Variants in ITGA3 observed in about 807,000 individuals in gnomAD.
ITGA3 encodes integrin subunit alpha 3, also known as integrin alpha-3.
ITGA3 carries 70 observed loss-of-function variants against 131.1 expected under a neutral mutation model. The ratio of observed to expected loss-of-function variants is 0.53; its 90% CI spans 0.44 to 0.65. The LOEUF (loss-of-function observed/expected upper bound fraction) is 0.65, where lower values mean the gene tolerates loss of function less well. Ranked by LOEUF, ITGA3 falls within the 30% of genes least tolerant of loss-of-function variation. The pLI, the probability that ITGA3 is intolerant of heterozygous loss-of-function variation, is 0.00. For synonymous variants in ITGA3, 537 were observed against 571.6 expected (o/e 0.94, Z 0.86); for missense variants, 1,098 against 1,388.6 (o/e 0.79, Z 3.33).
At chr17:50,084,077 T>C (rs1432447845) in intron 23 of ITGA3, among the ~76,000 whole-genome samples, 2 of 150,522 alleles carry the variant, frequency 1.3e-5, no homozygotes, top group Non-Finnish European at 3.0e-5. Flanking sequence ...GTATTAAAAA[T>C]ACAAAAATTA....
At chr17:50,066,032 C>CA (rs1183511362) in intron 3 of ITGA3, 4,057 of 38,094 alleles carry the variant, frequency 0.11, 321 homozygotes, top group East Asian at 0.37. Context: ...GACTCCATCT[C>CA]AAAAAAAAAA....
chr17:50,058,707 G>A (rs949677252), intron 1 of ITGA3, among the ~76,000 whole-genome samples: 2 of 152,170 alleles, frequency 1.3e-5, no homozygotes, highest in African/African-American at 4.8e-5. Context: ...CACTAAATTC[G>A]ACCCCTCGGC....
chr17:50,088,278 G>C lies in ITGA3; in HGVS notation c.3099G>C (p.Gln1033His). ...RTRALYEAKR[Q>H]KAEMKSQPSE... ...GCGCCCTGTATGAAGCTAAGAGGCA[G>C]AAGGCGGAGATGAAGAGCCAGCCGT... Residue 1033 changes from glutamine (Q) to histidine (H), a missense_variant, in exon 25 of 26, where the codon CAG becomes CAC. Physicochemically the swap from Gln to His is conservative, Grantham distance 24. Coordinates refer to ENST00000320031, the MANE Select transcript of ITGA3 (RefSeq NM_002204.4). The C allele has an allele frequency of 6.3e-7, 1 of 1,590,420 alleles. No homozygotes were observed. The highest frequency in any genetic ancestry group is 1.1e-5 in the South Asian group (1 of 87,580).
chr17:50,065,163 A>G (rs1333291043), intron 3 of ITGA3: 1 of 152,244 alleles, frequency 6.6e-6, no homozygotes, highest in Non-Finnish European at 1.5e-5. Flanking sequence ...TTGTTGTTAT[A>G]TTCCAAAAAG....
chr17:50,075,299 G>A (rs975110879), intron 10 of ITGA3, among the ~76,000 whole-genome samples, 160 bp from the exon 11 acceptor site: 3 of 152,158 alleles, frequency 2.0e-5, no homozygotes, highest in Non-Finnish European at 4.4e-5. Flanking sequence ...GAAGGGAAGG[G>A]GTCAGGGACA....
chr17:50,077,978 C>A, intron 16 of ITGA3, 68 bp from the exon 17 acceptor site: 1 of 1,329,478 alleles, frequency 7.5e-7, no homozygotes, highest in Non-Finnish European at 1.1e-6. Flanking sequence ...TGCATCCCCT[C>A]CTTCCCCATG....
At chr17:50,065,283 T>G (rs986759578) in intron 3 of ITGA3, 2 of 152,260 alleles carry the variant, frequency 1.3e-5, no homozygotes, top group African/African-American at 4.8e-5. Context: ...CACTTAACTC[T>G]GTGTTCTTCG....
chr17:50,068,430 C>T, intron 4 of ITGA3, 125 bp downstream of exon 4: 1 of 994,860 alleles, frequency 1.0e-6, no homozygotes, highest in South Asian at 1.6e-5. Context: ...GTATCAGCAA[C>T]CACCATGACT....
In ITGA3 at chr17:50,056,662, G is replaced by T; in HGVS notation, c.206+17G>T. 2 of 1,592,216 alleles carry T rather than the reference G, an allele frequency of 1.3e-6. No homozygotes were observed. The highest frequency in any genetic ancestry group is 2.3e-5 in the South Asian group (2 of 87,486). On this transcript the variant is annotated intron_variant, in intron 1 of 25. Coordinates refer to ENST00000320031, the MANE Select transcript of ITGA3 (RefSeq NM_002204.4). The surrounding 1 kb of genome is among the most constrained non-coding windows in gnomAD (Gnocchi z 5.6). ...GCGCTACCTGTAAGTGAAGCTGGAG[G>T]GTGTGGGGTGGGAGCGAGAGAGTGT...
At chr17:50,073,086 G>A (rs993795707) in intron 7 of ITGA3, among the ~76,000 whole-genome samples, 2 of 152,188 alleles carry the variant, frequency 1.3e-5, no homozygotes, top group African/African-American at 2.4e-5. Context: ...TTTCGGCCTG[G>A]GACCTGCTTC....
intron 7 of ITGA3, among the ~76,000 whole-genome samples, chr17:50,073,593 A>AACACACACACAC (rs71146961): frequency 2.8e-5 from 4 of 144,156 alleles, no homozygotes; most frequent in South Asian, 2.2e-4. Flanking sequence ...ACTGTCTATA[A>AACACACACACAC]ACACACACAC....
intron 23 of ITGA3, among the ~76,000 whole-genome samples, chr17:50,082,260 G>C (rs1262854317): frequency 1.3e-5 from 2 of 152,120 alleles, no homozygotes; most frequent in Admixed American, 6.5e-5. Context: ...ATCACTGCAA[G>C]CTCTGCCTCC....
In ITGA3 at chr17:50,056,164, C is replaced by A; in HGVS notation, c.-276C>A. 2.6e-6 allele frequency: 1 copy of A among 383,318 alleles called. No homozygotes were observed. The highest frequency in any genetic ancestry group is 4.2e-5 in the East Asian group (1 of 23,950). The allele number at this position is 383,318 out of a possible 1,614,324, so 23.7% of individuals were successfully genotyped here. A position where few individuals can be genotyped will look rare whatever the true frequency, so the allele number is the denominator to read the frequency against. ...GACAGCGCGGCCAAGGGGGCGCGGC[C>A]GGGACAAGCTGGGGGCCGGTTGCCC... On this transcript the variant is annotated 5_prime_UTR_variant, in exon 1 of 26. Coordinates refer to ENST00000320031, the MANE Select transcript of ITGA3 (RefSeq NM_002204.4). This position sits in a 1 kb window ranked among gnomAD's most constrained non-coding sequence, Gnocchi z 5.6.
At chr17:50,081,537 G>A in intron 23 of ITGA3, 129 bp downstream of exon 23, 1 of 713,552 alleles carries the variant, frequency 1.4e-6, no homozygotes, top group Non-Finnish European at 2.4e-6. Context: ...AAGAGTATCT[G>A]GAGGAGTTCT....
Position 50,056,869 on chromosome 17 carries a change from C to T in ITGA3, c.206+224C>T, listed in dbSNP as rs2144248509. 6.6e-6 allele frequency among the ~76,000 whole-genome samples: 1 copy of T among 152,222 alleles called. No homozygotes were observed. Among genetic ancestry groups the T allele is most frequent in the Admixed American group, 6.5e-5 (1 of 15,300 alleles). ...GGCCAGAACCTGTCTGGACGCCACC[C>T]CTCCGCCCTTTAGATCTCTCATGAG... On this transcript the variant is annotated intron_variant, in intron 1 of 25. Coordinates refer to ENST00000320031, the MANE Select transcript of ITGA3 (RefSeq NM_002204.4). The surrounding 1 kb of genome is among the most constrained non-coding windows in gnomAD (Gnocchi z 5.6).
intron 24 of ITGA3, 97 bp downstream of exon 24, chr17:50,087,966 A>C: frequency 7.0e-7 from 1 of 1,427,376 alleles, no homozygotes; most frequent in South Asian, 1.4e-5. Flanking sequence ...CCTCCCTTCC[A>C]TCTCACCCCC....
chr17:50,073,621 C>A (rs1175940679), intron 7 of ITGA3, among the ~76,000 whole-genome samples: 8 of 137,364 alleles, frequency 5.8e-5, no homozygotes, highest in African/African-American at 1.4e-4. Context: ...CACACACACA[C>A]ACACACACAC....
Position 50,069,083 on chromosome 17 carries a change from C to T in ITGA3, c.664+778C>T, listed in dbSNP as rs183564598. On this transcript the variant is annotated intron_variant, in intron 4 of 25. Coordinates refer to ENST00000320031, the MANE Select transcript of ITGA3 (RefSeq NM_002204.4). ...CAGGATGGTCTCAATCTCCTGACCTCGTGATCCGCTCACCTCGGTCTCCCA... is the reference window on the plus strand; with the variant it reads ...CAGGATGGTCTCAATCTCCTGACCTTGTGATCCGCTCACCTCGGTCTCCCA... Among the ~76,000 whole-genome samples the T allele has an allele frequency of 5.0e-3, 754 of 151,954 alleles. 4 individuals are homozygous for T. Among genetic ancestry groups the T allele is most frequent in the Middle Eastern group, 0.024 (7 of 294 alleles).
intron 10 of ITGA3, 80 bp from the exon 11 acceptor site, chr17:50,075,379 T>C: frequency 6.9e-7 from 1 of 1,448,616 alleles, no homozygotes; most frequent in Non-Finnish European, 9.7e-7. Flanking sequence ...GGTTTCCTTT[T>C]GCCCAGTACA....
Sources: allele counts gnomAD v4.1 joint callset (sites outside exome capture counted in the v4.1 genomes callset), GRCh38; gene constraint gnomAD v4.1.1; non-coding constraint Gnocchi (gnomAD v3.1); transcripts MANE v1.5; gene names NCBI Gene and HGNC (gene_info 2026-07-23, HGNC 2026-07-21).